ZNF662: variants seen among roughly 807,000 people sequenced by gnomAD.
ZNF662 encodes the protein zinc finger protein 662.
Under a neutral mutation model 12.4 loss-of-function variants are expected in ZNF662, and 14 were observed. The observed-to-expected ratio is 1.13, with a 90% confidence interval of 0.75 to 1.77. ZNF662 has a LOEUF of 1.77. Ranked by LOEUF, ZNF662 falls within the 40% of genes most tolerant of loss-of-function variation. The pLI, the probability that ZNF662 is intolerant of heterozygous loss-of-function variation, is 0.00. For missense variants in ZNF662, 550 were observed against 515.6 expected (o/e 1.07, Z -0.65); for synonymous variants, 184 against 176.4 (o/e 1.04, Z -0.34).
rs764303717 is a variant in ZNF662 at position 42,913,319 on chromosome 3, T to C, written c.253+17T>C. 6.3e-7 allele frequency: 1 copy of C among 1,575,212 alleles called. No homozygotes were observed. The highest frequency in any genetic ancestry group is 8.7e-7 in the Non-Finnish European group (1 of 1,145,114). ...TTTGTCCGGGTAAGTGAGAGGGAAA[T>C]GAGCATTCTTCTCTCAGTCACATCT... On this transcript the variant is annotated intron_variant, in intron 4 of 4. Transcript: ENST00000440367.
In ZNF662 at chr3:42,919,092, C is replaced by G. The variant is rs993561859; in HGVS notation, c.*3738C>G. Among the ~76,000 whole-genome samples the G allele has an allele frequency of 6.6e-6, 1 of 152,140 alleles. No individual in the cohort carries two copies. Among genetic ancestry groups the G allele is most frequent in the Non-Finnish European group, 1.5e-5 (1 of 68,036 alleles). On this transcript the variant is annotated 3_prime_UTR_variant, in exon 5 of 5. Transcript: ENST00000440367. ...ATTGCCCAGAACTAGAATATTGATC[C>G]AGATTTTTACATTACTCATCCCTTT...
In ZNF662 at chr3:42,914,789, A is replaced by G. The variant is rs1028667420; in HGVS notation, c.716A>G (p.Gln239Arg). 3 of 1,614,032 alleles carry G rather than the reference A, an allele frequency of 1.9e-6. No homozygotes were observed. The African/African-American group carries it at 4.0e-5, about 22-fold the overall frequency. Residue 239 changes from glutamine (Q) to arginine (R), a missense_variant, in exon 5 of 5, where the codon CAG (glutamine) becomes CGG (arginine). Gln to Arg is a conservative substitution (Grantham distance 43). Coordinates refer to ENST00000440367, the MANE Select transcript of ZNF662 (RefSeq NM_207404.4). Reference sequence around the variant, plus strand: ...TTTCGATCACATTGCATTGCACATCAGAGAATTCACAGTGGGGTGAAACCC... The same window carrying G: ...TTTCGATCACATTGCATTGCACATCGGAGAATTCACAGTGGGGTGAAACCC... Reference protein sequence around the residue: ...FSFRSHCIAHQRIHSGVKPYE... With the variant: ...FSFRSHCIAHRRIHSGVKPYE...
Position 42,914,968 on chromosome 3 carries a change from A to G in ZNF662, c.895A>G (p.Thr299Ala). Reference protein sequence around the residue: ...TSLTQHQRIHTGEKPYTCKEC... With the variant: ...TSLTQHQRIHAGEKPYTCKEC... ...CCTTACGCAACATCAACGGATCCAC[A>G]CTGGTGAGAAACCATACACATGTAA... The change falls in exon 5 of 5, where the codon ACT becomes GCT. Residue 299 changes from threonine (T) to alanine (A), a missense_variant. Coordinates refer to ENST00000440367, the MANE Select transcript of ZNF662 (RefSeq NM_207404.4). 6.2e-7 allele frequency: 1 copy of G among 1,614,222 alleles called. No homozygotes were observed. The highest frequency in any genetic ancestry group is 8.5e-7 in the Non-Finnish European group (1 of 1,180,038).
rs762800921 is a variant in ZNF662, at chr3:42,913,304, T to G, written c.253+2T>G. 5 of 1,609,326 alleles carry G rather than the reference T, an allele frequency of 3.1e-6. No individual in the cohort carries two copies. The South Asian group carries it at 4.4e-5, about 14-fold the overall frequency. ...AGGGTCCAAGCCTGATTTGTCCGGG[T>G]AAGTGAGAGGGAAATGAGCATTCTT... On this transcript the variant is annotated splice_donor_variant, in intron 4 of 4. Coordinates refer to ENST00000440367, the MANE Select transcript of ZNF662 (RefSeq NM_207404.4). LOFTEE classifies it high-confidence loss of function.
intron 3 of ZNF662, chr3:42,912,158 A>T (rs754627786): frequency 2.3e-5 from 2 of 88,358 alleles, no homozygotes; most frequent in Non-Finnish European, 2.7e-5. Context: ...AATATATAAA[A>T]ATATAAAAAT....
At chr3:42,910,632 C>T (rs1048273551) in intron 3 of ZNF662, among the ~76,000 whole-genome samples, 1 of 152,146 alleles carries the variant, frequency 6.6e-6, no homozygotes, top group Non-Finnish European at 1.5e-5. Context: ...CCAGATAGTT[C>T]CTATTCCTCA....
chr3:42,917,522 T>C lies in ZNF662; in HGVS notation c.*2168T>C. On this transcript the variant is annotated 3_prime_UTR_variant, in exon 5 of 5. Transcript: ENST00000440367. ...AGCCAATACCAAAGAAAACAGTGAC[T>C]AAACAGAGAGAAACTAGGTCCTTGG... is the stretch of plus-strand genomic sequence containing the variant. 1 of 702,876 alleles carries C rather than the reference T, an allele frequency of 1.4e-6. No individual in the cohort carries two copies. Among genetic ancestry groups the C allele is most frequent in the Non-Finnish European group, 2.6e-6 (1 of 384,958 alleles). 43.5% of individuals were successfully genotyped at this position (702,876 alleles called of 1,614,324 possible). A position where few individuals can be genotyped will look rare whatever the true frequency, so the allele number is the denominator to read the frequency against.
rs138583622 is a variant in ZNF662, at chr3:42,906,842, T to C, written c.-94+674T>C. ...ACACAGAACAGGGTGAGGAAAGAGT[T>C]TGGTTTCCCAATGCAATGGTGAGAG... On this transcript the variant is annotated intron_variant, in intron 1 of 4. Coordinates refer to ENST00000440367, the MANE Select transcript of ZNF662 (RefSeq NM_207404.4). The surrounding 1 kb of genome is among the most constrained non-coding windows in gnomAD (Gnocchi z 4.4). Among the ~76,000 whole-genome samples the C allele has an allele frequency of 7.6e-4, 116 of 152,172 alleles. 1 individual carries two copies. Among genetic ancestry groups the C allele is most frequent in the African/African-American group, 2.7e-3 (111 of 41,506 alleles).
intron 4 of ZNF662, 131 bp downstream of exon 4, chr3:42,913,433 A>G (rs900723964): frequency 1.6e-6 from 1 of 638,236 alleles, no homozygotes; most frequent in Non-Finnish European, 2.7e-6. Flanking sequence ...AAATCAACCA[A>G]TTAAGAGAAA....
chr3:42,908,161 C>A lies in ZNF662; in HGVS notation c.34+13C>A, dbSNP rs770098615. ...GTGGCTTCCCTGGGTAAGGGTCTCT[C>A]CCTTTGGGCCCTGCCTCCACCCTTG... On this transcript the variant is annotated intron_variant, in intron 2 of 4. Transcript: ENST00000440367. The A allele has an allele frequency of 6.2e-7, 1 of 1,608,282 alleles. No homozygotes were observed.
Position 42,916,233 on chromosome 3 carries a change from T to C in ZNF662, c.*879T>C, listed in dbSNP as rs761513755. On this transcript the variant is annotated 3_prime_UTR_variant, in exon 5 of 5. Coordinates refer to ENST00000440367, the MANE Select transcript of ZNF662 (RefSeq NM_207404.4). Reference sequence around the variant, plus strand: ...ATTGCTTTTCATAATTCTGTCTCACTGAAAACCTTATTTGATGGAAGCAAC... The same window carrying C: ...ATTGCTTTTCATAATTCTGTCTCACCGAAAACCTTATTTGATGGAAGCAAC... The C allele has an allele frequency of 2.0e-5, 3 of 152,158 alleles. No individual in the cohort carries two copies. Among genetic ancestry groups the C allele is most frequent in the Non-Finnish European group, 4.4e-5 (3 of 68,020 alleles). 9.4% of individuals were successfully genotyped at this position (152,158 alleles called of 1,614,324 possible). A position where few individuals can be genotyped will look rare whatever the true frequency, so the allele number is the denominator to read the frequency against.
At chr3:42,907,517 C>G (rs1559379672) in intron 1 of ZNF662, 12 of 221,644 alleles carry the variant, frequency 5.4e-5, no homozygotes, top group Non-Finnish European at 8.4e-5. Context: ...TCAAACAGGC[C>G]TGGGTTCTGT....
chr3:42,908,769 C>G (rs1198007933), intron 2 of ZNF662, 24 bp from the exon 3 acceptor site: 24 of 1,607,904 alleles, frequency 1.5e-5, no homozygotes, highest in African/African-American at 2.7e-5. Flanking sequence ...ACTCACCTGC[C>G]TGTCCCATTT....
In ZNF662 at chr3:42,908,790, A is replaced by T; in HGVS notation, c.35-3A>T. The T allele has an allele frequency of 1.2e-6, 2 of 1,613,170 alleles. No homozygotes were observed. Among genetic ancestry groups the T allele is most frequent in the Non-Finnish European group, 1.7e-6 (2 of 1,179,432 alleles). On this transcript the variant is annotated splice_polypyrimidine_tract_variant and splice_region_variant and intron_variant, in intron 2 of 4. Coordinates refer to ENST00000440367, the MANE Select transcript of ZNF662 (RefSeq NM_207404.4). The stretch of plus-strand genomic sequence containing the variant: ...CTGCCTGTCCCATTTCTTTCCTTTT[A>T]AGCAGCATTTCCATTTCCCAAACCG...
chr3:42,914,980 CCATA>C lies in ZNF662; in HGVS notation c.910_913del (p.Tyr304HisfsTer99). ...TCAACGGATCCACACTGGTGAGAAA[CCATA>C]CACATGTAAGGAATGTGGGAAAAGC... On this transcript the variant is annotated frameshift_variant, in exon 5 of 5. Transcript: ENST00000440367. LOFTEE classifies it low-confidence loss of function (END_TRUNC). 3.7e-6 allele frequency: 6 copies of C among 1,614,110 alleles called. No homozygotes were observed. The highest frequency in any genetic ancestry group is 5.1e-6 in the Non-Finnish European group (6 of 1,180,020).
At chr3:42,908,509 C>G in intron 2 of ZNF662, 1 of 1,262,074 alleles carries the variant, frequency 7.9e-7, no homozygotes, top group Non-Finnish European at 1.0e-6. Context: ...AACTTGAGAG[C>G]TCTAAGAGGG....
intron 2 of ZNF662, 102 bp from the exon 3 acceptor site, chr3:42,908,691 T>G: frequency 2.7e-6 from 4 of 1,464,304 alleles, no homozygotes; most frequent in Non-Finnish European, 3.7e-6. Flanking sequence ...GTTATTTCCG[T>G]TTTTTTCCCC....
chr3:42,907,877 ATCT>A, intron 1 of ZNF662, 142 bp from the exon 2 acceptor site: 5 of 1,393,880 alleles, frequency 3.6e-6, no homozygotes, highest in Non-Finnish European at 4.7e-6. Flanking sequence ...GGAGGCAAAA[ATCT>A]TCTGCTGATA....
In ZNF662 at chr3:42,918,707, A is replaced by G. The variant is rs1197766911; in HGVS notation, c.*3353A>G. Among the ~76,000 whole-genome samples, 1 of 152,140 alleles carries G rather than the reference A, an allele frequency of 6.6e-6. No homozygotes were observed. Among genetic ancestry groups the G allele is most frequent in the Non-Finnish European group, 1.5e-5 (1 of 68,026 alleles). On this transcript the variant is annotated 3_prime_UTR_variant, in exon 5 of 5. Coordinates refer to ENST00000440367, the MANE Select transcript of ZNF662 (RefSeq NM_207404.4). Reference sequence around the variant, plus strand: ...CTGCTGATGGGGGCACTGTTTTGGGAAAATAGCAGTGAGATCTCCCTCAGA... The same window carrying G: ...CTGCTGATGGGGGCACTGTTTTGGGGAAATAGCAGTGAGATCTCCCTCAGA...
Sources: allele counts gnomAD v4.1 joint callset (sites outside exome capture counted in the v4.1 genomes callset), GRCh38; gene constraint gnomAD v4.1.1; non-coding constraint Gnocchi (gnomAD v3.1); transcripts MANE v1.5; gene names NCBI Gene and HGNC (gene_info 2026-07-23, HGNC 2026-07-21).